The following ELMO1 variants were observed in gnomAD, a reference collection of about 807,000 sequenced individuals.
ELMO1 encodes the protein engulfment and cell motility protein 1.
ELMO1 carries 26 observed loss-of-function variants against 98.9 expected under a neutral mutation model. The observed-to-expected ratio is 0.26, with a 90% CI of 0.19 to 0.36. The LOEUF (loss-of-function observed/expected upper bound fraction) is 0.36, where lower values mean the gene tolerates loss of function less well. Among genes scored for constraint, ELMO1 ranks in the 10% least tolerant of loss-of-function variants. The pLI is 1.00. For missense variants in ELMO1, 627 were observed against 935.2 expected, an observed-to-expected ratio of 0.67 and a Z score of 4.30; for synonymous variants, 346 against 346.0, an observed-to-expected ratio of 1.00 and a Z score of 0.00.
At chr7:37,181,303 G>C (rs1790845344) in intron 13 of ELMO1, among the ~76,000 whole-genome samples, 1 of 151,986 alleles carries the variant, frequency 6.6e-6, no homozygotes. Context: ...ACTACTCCAA[G>C]GTAGTACTCC....
At chr7:36,985,457 T>C (rs1351137997) in intron 16 of ELMO1, among the ~76,000 whole-genome samples, 1 of 152,066 alleles carries the variant, frequency 6.6e-6, no homozygotes, top group Non-Finnish European at 1.5e-5. Context: ...ATTCCGTGGC[T>C]GGGGGTCTGA....
Position 37,168,396 on chromosome 7 carries a change from G to A in ELMO1, c.1087-35162C>T, listed in dbSNP as rs182704492. 1.7e-3 allele frequency among the ~76,000 whole-genome samples: 256 copies of A among 152,322 alleles called. 2 individuals are homozygous for A. Among genetic ancestry groups the A allele is most frequent in the African/African-American group, 5.6e-3 (234 of 41,566 alleles). Reference sequence around the variant, plus strand: ...GCTGGTGAGGAACTGTGTTCCTTTGGAGGAGACAGAGGTGCTCTGCTTTTT... The same window carrying A: ...GCTGGTGAGGAACTGTGTTCCTTTGAAGGAGACAGAGGTGCTCTGCTTTTT... On this transcript the variant is annotated intron_variant, in intron 13 of 21. Transcript: ENST00000310758.
At chr7:36,881,612 C>G (rs548107387) in intron 18 of ELMO1, among the ~76,000 whole-genome samples, 56 of 152,256 alleles carry the variant, frequency 3.7e-4, no homozygotes, top group African/African-American at 1.0e-3. Flanking sequence ...ATCTCCAAAC[C>G]CAAAACAAAA....
At chr7:36,933,919 A>G (rs1013334844) in intron 16 of ELMO1, among the ~76,000 whole-genome samples, 5 of 152,232 alleles carry the variant, frequency 3.3e-5, no homozygotes, top group African/African-American at 1.2e-4. Context: ...GCTCTGCTGT[A>G]CAGCAATTAT....
intron 15 of ELMO1, among the ~76,000 whole-genome samples, chr7:37,067,587 G>C (rs1282441264): frequency 1.3e-5 from 2 of 152,156 alleles, no homozygotes; most frequent in Non-Finnish European, 2.9e-5. Context: ...AAGATGTCGA[G>C]AGAGATAATT....
chr7:37,436,787 A>C (rs1421578957), intron 1 of ELMO1, among the ~76,000 whole-genome samples: 1 of 152,196 alleles, frequency 6.6e-6, no homozygotes, highest in Non-Finnish European at 1.5e-5. Context: ...CCATAAAATG[A>C]ATTGTCCAAC....
At chr7:37,236,236 A>G (rs116618319) in intron 7 of ELMO1, among the ~76,000 whole-genome samples, 1,682 of 152,130 alleles carry the variant, frequency 0.011, 36 homozygotes, top group African/African-American at 0.039. Flanking sequence ...GGACTTTGGG[A>G]AAAAAAAGCT....
intron 13 of ELMO1, among the ~76,000 whole-genome samples, chr7:37,196,524 T>G (rs1791972615): frequency 6.6e-6 from 1 of 152,180 alleles, no homozygotes; most frequent in African/African-American, 2.4e-5. Context: ...AATACCATCC[T>G]GAGTGTGGAA....
At chr7:36,931,931 C>A (rs984754344) in intron 16 of ELMO1, among the ~76,000 whole-genome samples, 1 of 152,190 alleles carries the variant, frequency 6.6e-6, no homozygotes, top group African/African-American at 2.4e-5. Flanking sequence ...ATCTTTCTCT[C>A]TTTAAGGATA....
chr7:36,929,130 T>C (rs1785820887), intron 16 of ELMO1, among the ~76,000 whole-genome samples: 2 of 152,218 alleles, frequency 1.3e-5, no homozygotes, highest in Non-Finnish European at 2.9e-5. Flanking sequence ...CCATACTCTC[T>C]AGTACTGCCT....
intron 16 of ELMO1, among the ~76,000 whole-genome samples, chr7:36,988,046 C>T (rs570237378): frequency 1.2e-4 from 18 of 152,372 alleles, no homozygotes; most frequent in Middle Eastern, 3.4e-3. Context: ...GCGGGAGCCA[C>T]GACGCCTGGC....
chr7:37,118,656 T>A (rs185489550), intron 14 of ELMO1, among the ~76,000 whole-genome samples: 1 of 152,314 alleles, frequency 6.6e-6, no homozygotes, highest in East Asian at 1.9e-4. Flanking sequence ...GCTGGCGGTG[T>A]GCTCAGAACT....
intron 16 of ELMO1, among the ~76,000 whole-genome samples, chr7:36,983,689 GCA>G (rs1414588679): frequency 6.6e-6 from 1 of 152,184 alleles, no homozygotes; most frequent in African/African-American, 2.4e-5. Flanking sequence ...GCAGTGCCTG[GCA>G]CACAGTAAAT....
chr7:37,097,832 T>TC (rs528479301), intron 14 of ELMO1, among the ~76,000 whole-genome samples: 1 of 152,112 alleles, frequency 6.6e-6, no homozygotes, highest in Non-Finnish European at 1.5e-5. Flanking sequence ...TTCCTACTGG[T>TC]CCCCCTGTTC....
At chr7:37,281,691 C>G (rs1240077124) in intron 4 of ELMO1, among the ~76,000 whole-genome samples, 1 of 152,160 alleles carries the variant, frequency 6.6e-6, no homozygotes, top group Non-Finnish European at 1.5e-5. Flanking sequence ...AAATGAAGTT[C>G]AGAATCGTCA....
chr7:37,363,480 C>A (rs1006968548), intron 1 of ELMO1, among the ~76,000 whole-genome samples: 1 of 152,132 alleles, frequency 6.6e-6, no homozygotes, highest in Non-Finnish European at 1.5e-5. Flanking sequence ...GACCTCATCC[C>A]GCGCATCCAT....
chr7:36,876,397 CT>C (rs75810029), intron 19 of ELMO1, among the ~76,000 whole-genome samples: 19,055 of 138,300 alleles, frequency 0.14, 1,304 homozygotes, highest in South Asian at 0.25. Flanking sequence ...TTTTAATATC[CT>C]TTTTTTTTTT....
intron 16 of ELMO1, among the ~76,000 whole-genome samples, chr7:36,918,460 C>T (rs1441976619): frequency 6.6e-6 from 1 of 152,096 alleles, no homozygotes; most frequent in Non-Finnish European, 1.5e-5. Flanking sequence ...GTGTAGAAGG[C>T]TAGTTCTCCA....
intron 4 of ELMO1, among the ~76,000 whole-genome samples, chr7:37,283,492 A>T (rs1210164634): frequency 6.6e-6 from 1 of 152,216 alleles, no homozygotes; most frequent in Non-Finnish European, 1.5e-5. Flanking sequence ...CAGGATAAGA[A>T]TTACTGACTC....
Sources: gnomAD v4.1 joint callset for allele counts (sites outside exome capture counted in the v4.1 genomes callset) on GRCh38, gnomAD v4.1.1 for gene constraint, MANE v1.5 for transcripts, NCBI Gene and HGNC (gene_info 2026-07-23, HGNC 2026-07-21) for gene names.